The following NFASC variants were observed in gnomAD, a reference collection of about 807,000 sequenced individuals.
NFASC encodes the protein neurofascin homolog.
Under a neutral mutation model 147.5 loss-of-function variants are expected in NFASC, and 43 were observed. That is an observed-to-expected ratio of 0.29 (90% CI 0.23 to 0.38). The LOEUF (loss-of-function observed/expected upper bound fraction) is 0.38, where lower values mean the gene tolerates loss of function less well. Among genes scored for constraint, NFASC ranks in the 10% least tolerant of loss-of-function variants. The probability of loss-of-function intolerance (pLI) is 1.00; values close to 1 mark genes in which losing one functional copy is unlikely to be tolerated. For synonymous variants in NFASC, 622 were observed against 665.5 expected (o/e 0.93, Z 1.01); for missense variants, 1,320 against 1,689.0 (o/e 0.78, Z 3.83).
intron 1 of NFASC, among the ~76,000 whole-genome samples, chr1:204,887,477 C>T (rs954172662): frequency 6.6e-6 from 1 of 151,060 alleles, no homozygotes; most frequent in African/African-American, 2.4e-5. Context: ...ACAAACAGCT[C>T]TTCAAGTGCC....
At chr1:204,988,229 G>A (rs866893641) in intron 22 of NFASC, among the ~76,000 whole-genome samples, 5 of 152,332 alleles carry the variant, frequency 3.3e-5, no homozygotes, top group South Asian at 2.1e-4. Flanking sequence ...ACCCTTTGAG[G>A]TCCATTGAAT....
At chr1:204,971,510 C>T (rs1214209789) in intron 11 of NFASC, among the ~76,000 whole-genome samples, 1 of 152,110 alleles carries the variant, frequency 6.6e-6, no homozygotes, top group Non-Finnish European at 1.5e-5. Flanking sequence ...AACTCAAGAG[C>T]AGCAGCTGGT....
chr1:204,987,182 C>G lies in NFASC; in HGVS notation c.2471-236C>G, dbSNP rs2095632560. ...AAGAAAACCTGATTTACTTCTTCCT[C>G]TCTTAAATAGCAGAGTCTGAGCTAT... On this transcript the variant is annotated intron_variant, in intron 21 of 29. Transcript: ENST00000339876. The surrounding 1 kb of genome is among the most constrained non-coding windows in gnomAD (Gnocchi z 4.4). 1 of 553,026 alleles carries G rather than the reference C, an allele frequency of 1.8e-6. No individual in the cohort carries two copies. The highest frequency in any genetic ancestry group is 1.9e-5 in the African/African-American group (1 of 53,072). The allele number at this position is 553,026 out of a possible 1,614,324, so 34.3% of individuals were successfully genotyped here.
At chr1:205,011,156 C>T (rs969280026) in intron 28 of NFASC, among the ~76,000 whole-genome samples, 1 of 152,086 alleles carries the variant, frequency 6.6e-6, no homozygotes, top group Non-Finnish European at 1.5e-5. Context: ...ACAACCCATG[C>T]TCCCCAAATG....
intron 12 of NFASC, 85 bp downstream of exon 12, chr1:204,973,504 C>T (rs1274409436): frequency 6.6e-7 from 1 of 1,509,962 alleles, no homozygotes; most frequent in African/African-American, 1.4e-5. Context: ...GTGGGGCACA[C>T]TTTCTTCTCC....
At position 205,006,400 on chromosome 1, in the gene NFASC, G is replaced by T. The variant is rs190687181; in HGVS notation, c.3290-3157G>T. On this transcript the variant is annotated intron_variant, in intron 27 of 29. Coordinates refer to ENST00000339876, the MANE Select transcript of NFASC (RefSeq NM_001005388.3). ...GTTCCACTGCATGGCGCAGCTGGGG[G>T]TGAAATCGGAGTTTGGAGATGGTGT... Among the ~76,000 whole-genome samples the T allele has an allele frequency of 1.7e-4, 26 of 152,378 alleles. No individual in the cohort carries two copies. In the East Asian group the frequency reaches 4.8e-3, roughly 28 times the overall value.
At chr1:204,877,044 TATA>T (rs2079091245) in intron 1 of NFASC, among the ~76,000 whole-genome samples, 1 of 103,440 alleles carries the variant, frequency 9.7e-6, no homozygotes, top group Non-Finnish European at 1.6e-5. Context: ...TATTTATATA[TATA>T]TAATATATTT....
rs371179086 is a variant in NFASC, at chr1:204,933,746, CAA to C, written c.-90-10470_-90-10469del. 9.5e-4 allele frequency among the ~76,000 whole-genome samples: 106 copies of C among 111,104 alleles called. 1 individual carries two copies. Among genetic ancestry groups the C allele is most frequent in the African/African-American group, 3.5e-3 (104 of 29,850 alleles). 72.9% of individuals were successfully genotyped at this position (111,104 alleles called of 152,430 possible). A position where few individuals can be genotyped will look rare whatever the true frequency, so the allele number is the denominator to read the frequency against. On this transcript the variant is annotated intron_variant, in intron 2 of 29. Coordinates refer to ENST00000339876, the MANE Select transcript of NFASC (RefSeq NM_001005388.3). ...AGGAGTGAATGGGAAAGGAAGAAGC[CAA>C]AAAAAAAAAGCTTTCAGAAGAGAAG...
chr1:204,883,462 C>T (rs1159340858), intron 1 of NFASC, among the ~76,000 whole-genome samples: 5 of 152,208 alleles, frequency 3.3e-5, no homozygotes, highest in Non-Finnish European at 7.3e-5. Flanking sequence ...GGAGCATCGA[C>T]CCCGCTCTGT....
At chr1:204,992,140 G>A (rs1283315722) in intron 24 of NFASC, among the ~76,000 whole-genome samples, 11 of 152,164 alleles carry the variant, frequency 7.2e-5, no homozygotes, top group Admixed American at 2.6e-4. Flanking sequence ...CTGGAGAAAC[G>A]AGGCAGGGGA....
At chr1:204,845,954 T>A (rs1364934265) in intron 1 of NFASC, among the ~76,000 whole-genome samples, 1 of 152,068 alleles carries the variant, frequency 6.6e-6, no homozygotes, top group East Asian at 1.9e-4. Flanking sequence ...GGGGCTGGAA[T>A]TCGGAAGAAA....
Position 204,968,302 on chromosome 1 carries a change from A to G in NFASC, c.760A>G (p.Ser254Gly). 1 of 1,614,208 alleles carries G rather than the reference A, an allele frequency of 6.2e-7. No individual in the cohort carries two copies. Among genetic ancestry groups the G allele is most frequent in the South Asian group, 1.1e-5 (1 of 91,082 alleles). ...CTTCATGTATCCCCAGGGCACCGCG[A>G]GCAGCCAGATGGTGCTTCGTGGCAT... is the stretch of plus-strand genomic sequence containing the variant. The part of the protein sequence containing the change: ...PSFMYPQGTA[S>G]SQMVLRGMDL... Residue 254 changes from serine to glycine, a missense_variant, in exon 9 of 30, where the codon AGC becomes GGC. This residue lies in a region of NFASC where 981 missense variants were observed against 1,289.5 expected (regional missense o/e 0.76). Transcript: ENST00000339876. The surrounding 1 kb of genome is among the most constrained non-coding windows in gnomAD (Gnocchi z 5.4).
chr1:204,873,966 C>T (rs907938899), intron 1 of NFASC, among the ~76,000 whole-genome samples: 10 of 152,172 alleles, frequency 6.6e-5, no homozygotes, highest in Non-Finnish European at 2.9e-5. Context: ...AGCCAGACTG[C>T]GGGGGAACAG....
intron 1 of NFASC, among the ~76,000 whole-genome samples, chr1:204,896,448 T>G (rs1242624502): frequency 6.6e-6 from 1 of 152,224 alleles, no homozygotes; most frequent in East Asian, 1.9e-4. Context: ...CTCTTTGGTC[T>G]CTGTTATTTG....
At position 205,017,546 on chromosome 1, in the gene NFASC, G is replaced by C. The variant is rs2096371520; in HGVS notation, c.*1007G>C. ...GTAGATAGAGGGCCACACCCACCCT[G>C]TCCAGAGTAGAGGGCACCTGTCCAC... On this transcript the variant is annotated 3_prime_UTR_variant, in exon 30 of 30. Transcript: ENST00000339876. 6.5e-6 allele frequency: 1 copy of C among 152,690 alleles called. No individual in the cohort carries two copies. Among genetic ancestry groups the C allele is most frequent in the Non-Finnish European group, 1.5e-5 (1 of 68,072 alleles). 9.5% of individuals were successfully genotyped at this position (152,690 alleles called of 1,614,324 possible).
chr1:204,977,017 C>T (rs2095420812), intron 16 of NFASC: 1 of 1,303,514 alleles, frequency 7.7e-7, no homozygotes, highest in Admixed American at 3.9e-5. Flanking sequence ...ATTAACTTCC[C>T]CACGTCTCAA....
intron 1 of NFASC, among the ~76,000 whole-genome samples, chr1:204,885,487 C>G (rs952016006): frequency 6.6e-6 from 1 of 152,222 alleles, no homozygotes; most frequent in African/African-American, 2.4e-5. Context: ...TTTGCCCTCA[C>G]TGGACTTTGT....
chr1:204,870,038 G>A (rs1280946586), intron 1 of NFASC, among the ~76,000 whole-genome samples: 1 of 152,160 alleles, frequency 6.6e-6, no homozygotes, highest in African/African-American at 2.4e-5. Flanking sequence ...CTGTTATCAG[G>A]GGACGCCTCC....
intron 1 of NFASC, among the ~76,000 whole-genome samples, chr1:204,887,786 C>T (rs1294598584): frequency 6.6e-6 from 1 of 151,598 alleles, no homozygotes; most frequent in Non-Finnish European, 1.5e-5. Flanking sequence ...TTTGTAGAGC[C>T]AGGGTTTTGC....
Sources: allele counts gnomAD v4.1 joint callset (sites outside exome capture counted in the v4.1 genomes callset), GRCh38; gene constraint gnomAD v4.1.1; regional missense constraint gnomAD v4.1.1; non-coding constraint Gnocchi (gnomAD v3.1); transcripts MANE v1.5; gene names NCBI Gene and HGNC (gene_info 2026-07-23, HGNC 2026-07-21).